SHOC1: variants seen among roughly 807,000 people sequenced by gnomAD.
SHOC1 encodes the protein protein shortage in chiasmata 1 ortholog.
Under a neutral mutation model 179.2 loss-of-function variants are expected in SHOC1, and 136 were observed. That is an observed-to-expected ratio of 0.76 (90% confidence interval 0.66 to 0.87). The LOEUF is 0.87. Among genes scored for constraint, SHOC1 ranks in the 40% least tolerant of loss-of-function variants. The probability of loss-of-function intolerance (pLI) is 0.00; values close to 1 mark genes in which losing one functional copy is unlikely to be tolerated. For missense variants in SHOC1, 1,538 were observed against 1,700.8 expected (o/e 0.90, Z 1.68); for synonymous variants, 489 against 586.6 (o/e 0.83, Z 2.41).
intron 5 of SHOC1, 134 bp downstream of exon 5, chr9:111,775,657 T>C (rs1307858379): frequency 3.2e-6 from 2 of 625,012 alleles, no homozygotes; most frequent in East Asian, 3.0e-5. Context: ...TGCCCTAATG[T>C]GGCAAAGCTT....
chr9:111,741,281 A>G (rs1437925500), intron 11 of SHOC1, among the ~76,000 whole-genome samples, 195 bp downstream of exon 11: 1 of 152,156 alleles, frequency 6.6e-6, no homozygotes, highest in Admixed American at 6.5e-5. Flanking sequence ...GAAAATCAGC[A>G]AGATCCGGAT....
chr9:111,728,178 T>A, intron 12 of SHOC1, 129 bp from the exon 13 acceptor site: 1 of 653,160 alleles, frequency 1.5e-6, no homozygotes, highest in Non-Finnish European at 2.3e-6. Flanking sequence ...CTTTGTTTAC[T>A]GCTTTGAAAA....
At chr9:111,768,135 T>C (rs1835425740) in intron 5 of SHOC1, among the ~76,000 whole-genome samples, 1 of 152,158 alleles carries the variant, frequency 6.6e-6, no homozygotes, top group Non-Finnish European at 1.5e-5. Flanking sequence ...TTTATATTTT[T>C]TGTAGCTATT....
chr9:111,748,435 A>G (rs1055721696), intron 8 of SHOC1, among the ~76,000 whole-genome samples: 5 of 152,186 alleles, frequency 3.3e-5, no homozygotes, highest in Admixed American at 2.0e-4. Context: ...TTACCCAAGG[A>G]AAATAAAAAT....
At chr9:111,787,166 T>G (rs1836290610) in intron 2 of SHOC1, among the ~76,000 whole-genome samples, 1 of 152,202 alleles carries the variant, frequency 6.6e-6, no homozygotes. Context: ...GATGGAGATG[T>G]ACAAGGAGAT....
intron 24 of SHOC1, among the ~76,000 whole-genome samples, chr9:111,698,660 G>A (rs990569607): frequency 1.3e-5 from 2 of 151,590 alleles, no homozygotes; most frequent in Admixed American, 6.6e-5. Context: ...GAGGTAGCGC[G>A]TTTGAACTGG....
chr9:111,769,975 G>GTTTTTTTTTTTTTTTTTTTTATT, intron 5 of SHOC1, among the ~76,000 whole-genome samples: 1 of 87,806 alleles, frequency 1.1e-5, no homozygotes, highest in Non-Finnish European at 2.2e-5. Flanking sequence ...TTTATCTTCT[G>GTTTTTTTTTTTTTTTTTTTTATT]TTTTTTTTTT....
At chr9:111,776,043 A>G in intron 4 of SHOC1, 68 bp from the exon 5 acceptor site, 4 of 1,204,926 alleles carry the variant, frequency 3.3e-6, no homozygotes, top group East Asian at 2.6e-5. Context: ...AGTAGATAAT[A>G]TATGTCCACT....
chr9:111,731,578 T>C (rs527758072), intron 12 of SHOC1, among the ~76,000 whole-genome samples: 3 of 152,216 alleles, frequency 2.0e-5, no homozygotes, highest in Admixed American at 6.5e-5. Context: ...ATGGGCAGGG[T>C]CTATGGCACC....
intron 12 of SHOC1, among the ~76,000 whole-genome samples, chr9:111,730,528 GGTA>G (rs1487343916): frequency 9.2e-5 from 14 of 152,212 alleles, no homozygotes; most frequent in African/African-American, 3.4e-4. Flanking sequence ...TGAATGACCA[GGTA>G]TGCTGTCAAT....
intron 8 of SHOC1, among the ~76,000 whole-genome samples, chr9:111,753,866 G>C (rs1834725604): frequency 6.6e-6 from 1 of 152,170 alleles, no homozygotes; most frequent in African/African-American, 2.4e-5. Flanking sequence ...ACAGAGAATA[G>C]AAGAGTGGTT....
In SHOC1 at chr9:111,780,930, T is replaced by G. The variant is rs752980536; in HGVS notation, c.257A>C (p.Lys86Thr). 3 of 1,608,498 alleles carry G rather than the reference T, an allele frequency of 1.9e-6. No individual in the cohort carries two copies. Among genetic ancestry groups the G allele is most frequent in the Middle Eastern group, 1.6e-4 (1 of 6,072 alleles). ...GAAATTTGAGATTAAGGATACATACTTCTCAAGGAAATCCTCCACAAAGAA... is the reference window on the plus strand; with the variant it reads ...GAAATTTGAGATTAAGGATACATACGTCTCAAGGAAATCCTCCACAAAGAA... ...ASFFVEDFLEKKTITRMVTQI... is the reference protein window; with the variant it reads ...ASFFVEDFLETKTITRMVTQI... The change falls in exon 4 of 28, where the codon AAA becomes ACA. Residue 86 changes from lysine to threonine, a missense_variant and splice_region_variant. Transcript: ENST00000682961.
At chr9:111,693,998 C>T (rs763279901) in intron 25 of SHOC1, 50 bp from the exon 26 acceptor site, 1 of 1,434,272 alleles carries the variant, frequency 7.0e-7, no homozygotes, top group Non-Finnish European at 9.7e-7. Context: ...TGAAAGTGAG[C>T]CATTTTATTC....
chr9:111,735,168 T>G (rs549610534), intron 12 of SHOC1, among the ~76,000 whole-genome samples: 1 of 152,272 alleles, frequency 6.6e-6, no homozygotes, highest in South Asian at 2.1e-4. Flanking sequence ...TTGGGTACTA[T>G]TCCATGGTGT....
intron 8 of SHOC1, among the ~76,000 whole-genome samples, chr9:111,751,144 C>A (rs1255771947): frequency 1.3e-5 from 2 of 152,170 alleles, no homozygotes; most frequent in Non-Finnish European, 2.9e-5. Flanking sequence ...TGTTGAAGAT[C>A]AGATGGTTGT....
intron 14 of SHOC1, 151 bp from the exon 15 acceptor site, chr9:111,722,736 T>G (rs1833121316): frequency 1.8e-6 from 1 of 547,738 alleles, no homozygotes; most frequent in African/African-American, 2.0e-5. Flanking sequence ...AAACTTATTT[T>G]AAGATATTTA....
chr9:111,766,200 G>A (rs747924914), intron 5 of SHOC1, among the ~76,000 whole-genome samples: 17 of 152,126 alleles, frequency 1.1e-4, no homozygotes, highest in Non-Finnish European at 1.8e-4. Context: ...AAGGCCTCCA[G>A]TTCCATCCAT....
intron 15 of SHOC1, 39 bp from the exon 16 acceptor site, chr9:111,718,327 C>G: frequency 3.1e-6 from 4 of 1,303,982 alleles, no homozygotes; most frequent in Non-Finnish European, 3.2e-6. Context: ...ATAGACTATA[C>G]ATTACAGTTT....
chr9:111,788,390 G>T (rs1836341060), intron 2 of SHOC1, among the ~76,000 whole-genome samples: 1 of 152,100 alleles, frequency 6.6e-6, no homozygotes, highest in African/African-American at 2.4e-5. Context: ...CAGGTGATCT[G>T]CCCGCCTCAG....
Sources: gnomAD v4.1 joint callset for allele counts (sites outside exome capture counted in the v4.1 genomes callset) on GRCh38, gnomAD v4.1.1 for gene constraint, MANE v1.5 for transcripts, NCBI Gene and HGNC (gene_info 2026-07-23, HGNC 2026-07-21) for gene names.